Variants in HBS1L observed in about 807,000 individuals in gnomAD.
HBS1L encodes HBS1-like protein.
In HBS1L, 55 loss-of-function variants were observed where a neutral mutation model predicts 88.9. That is an observed-to-expected ratio of 0.62 (90% CI 0.50 to 0.77). The LOEUF is 0.77. Ranked by LOEUF, HBS1L falls within the 30% of genes least tolerant of loss-of-function variation. HBS1L has a pLI of 0.00. For missense variants in HBS1L, 741 were observed against 829.3 expected, an observed-to-expected ratio of 0.89 and a Z score of 1.31; for synonymous variants, 267 against 288.5, an observed-to-expected ratio of 0.93 and a Z score of 0.76.
intron 4 of HBS1L, chr6:135,037,079 C>A (rs1331770092): frequency 6.4e-7 from 1 of 1,551,636 alleles, no homozygotes. Context: ...TCAATTGTTT[C>A]TGCAATCAAT....
At chr6:134,983,591 G>C (rs781031206) in intron 12 of HBS1L, 1 of 152,104 alleles carries the variant, frequency 6.6e-6, no homozygotes, top group African/African-American at 2.4e-5. Flanking sequence ...ATTCCGGGGG[G>C]ACCAATCACA....
chr6:135,051,669 G>A (rs888940818), intron 1 of HBS1L, among the ~76,000 whole-genome samples: 2 of 152,192 alleles, frequency 1.3e-5, no homozygotes, highest in African/African-American at 2.4e-5. Context: ...CACTACATGA[G>A]ACTATCAGCT....
In HBS1L at chr6:135,006,910, GA is replaced by G. The variant is rs997488527; in HGVS notation, c.431-4069del. 7.3e-5 allele frequency among the ~76,000 whole-genome samples: 11 copies of G among 149,908 alleles called. No homozygotes were observed. The South Asian group carries it at 1.3e-3, about 17-fold the overall frequency. On this transcript the variant is annotated intron_variant, in intron 4 of 17. Coordinates refer to ENST00000367837, the MANE Select transcript of HBS1L (RefSeq NM_006620.4). ...ATTCTGGCCTCTGTCAAAAGAAGAGGAAAAAAAAACATAGAGCATGAAAATG... is the reference window on the plus strand; with the variant it reads ...ATTCTGGCCTCTGTCAAAAGAAGAGGAAAAAAAACATAGAGCATGAAAATG...
rs1365916364 is a variant in HBS1L, at chr6:135,040,344, C to CCTTTTTTTTTTTTTT, written c.236-578_236-577insAAAAAAAAAAAAAAG. ...GGAGATTAAGGGGAGGATAGGCATT[C>CCTTTTTTTTTTTTTT]TTTTTTTTTTTTTTTTTTTTTTTTG... is the stretch of plus-strand genomic sequence containing the variant. On this transcript the variant is annotated intron_variant, in intron 3 of 17. Transcript: ENST00000367837. 2.9e-4 allele frequency among the ~76,000 whole-genome samples: 32 copies of CCTTTTTTTTTTTTTT among 110,056 alleles called. 1 individual carries two copies. The highest frequency in any genetic ancestry group is 1.0e-3 in the African/African-American group (29 of 28,068). 72.2% of individuals were successfully genotyped at this position (110,056 alleles called of 152,430 possible).
In HBS1L at chr6:134,962,026, C is replaced by T. The variant is rs550088840; in HGVS notation, c.*3253G>A. ...ATCAGCCCTATTAAGACTCAAGCCC[C>T]AGAGCTTTCTCTTGTGCCTGGAATA... On this transcript the variant is annotated 3_prime_UTR_variant, in exon 18 of 18. Transcript: ENST00000367837. 2.0e-5 allele frequency: 3 copies of T among 152,192 alleles called. No homozygotes were observed. In the South Asian group the frequency reaches 6.2e-4, roughly 32 times the overall value. The allele number at this position is 152,192 out of a possible 1,614,324, so 9.4% of individuals were successfully genotyped here.
chr6:134,989,203 T>A (rs886365514), intron 8 of HBS1L, among the ~76,000 whole-genome samples: 1 of 152,224 alleles, frequency 6.6e-6, no homozygotes, highest in Non-Finnish European at 1.5e-5. Flanking sequence ...AGTTCTTCCT[T>A]TTCATTCTTA....
At chr6:135,035,682 C>T (rs1284888009) in intron 4 of HBS1L, among the ~76,000 whole-genome samples, 2 of 137,742 alleles carry the variant, frequency 1.5e-5, no homozygotes, top group Admixed American at 8.1e-5. Context: ...ACCTGGGAGG[C>T]GGAGCTTGCA....
intron 7 of HBS1L, among the ~76,000 whole-genome samples, chr6:134,994,836 T>C (rs1775247142): frequency 6.6e-6 from 1 of 152,124 alleles, no homozygotes; most frequent in African/African-American, 2.4e-5. Context: ...TCAGTCATTC[T>C]AGGCCTCAGG....
chr6:134,978,770 CA>C lies in HBS1L; in HGVS notation c.1705del (p.Cys569ValfsTer48). 6.2e-7 allele frequency: 1 copy of C among 1,603,220 alleles called. No homozygotes were observed. The highest frequency in any genetic ancestry group is 1.1e-5 in the South Asian group (1 of 89,502). On this transcript the variant is annotated frameshift_variant, in exon 15 of 18. Coordinates refer to ENST00000367837, the MANE Select transcript of HBS1L (RefSeq NM_006620.4). LOFTEE classifies it high-confidence loss of function. ...IIKINVGCIF[C>X]GPKVPIKACT... Reference sequence around the variant, plus strand: ...AGCTTTAATGGGTACTTTGGGGCCACAAAATATGCAGCCAACACTGTAAGAA... The same window carrying C: ...AGCTTTAATGGGTACTTTGGGGCCACAAATATGCAGCCAACACTGTAAGAA...
At chr6:134,987,900 C>T in intron 8 of HBS1L, 109 bp from the exon 9 acceptor site, 1 of 862,664 alleles carries the variant, frequency 1.2e-6, no homozygotes, top group Non-Finnish European at 1.6e-6. Context: ...AAGACCCTAA[C>T]TACCCCCACC....
At chr6:135,046,533 T>G (rs1382703307) in intron 2 of HBS1L, among the ~76,000 whole-genome samples, 1 of 152,144 alleles carries the variant, frequency 6.6e-6, no homozygotes, top group African/African-American at 2.4e-5. Context: ...AGTATCAATC[T>G]TTCTAAAAGA....
rs1186443215 is a variant in HBS1L, at chr6:135,034,168, C to G, written c.430+5405G>C. ...GTTTAAAAAAAAAAAAGACATAATG[C>G]CATCTTAACTTTTCCCATCAAAATA... On this transcript the variant is annotated intron_variant, in intron 4 of 17. Coordinates refer to ENST00000367837, the MANE Select transcript of HBS1L (RefSeq NM_006620.4). Among the ~76,000 whole-genome samples, 3 of 151,260 alleles carry G rather than the reference C, an allele frequency of 2.0e-5. No individual in the cohort carries two copies. The East Asian group carries it at 5.8e-4, about 29-fold the overall frequency.
At chr6:135,049,436 G>C (rs1342953991) in intron 2 of HBS1L, among the ~76,000 whole-genome samples, 1 of 152,114 alleles carries the variant, frequency 6.6e-6, no homozygotes, top group Non-Finnish European at 1.5e-5. Context: ...TCAGACCATG[G>C]CAGAAGGCTC....
rs774135102 is a variant in HBS1L at position 135,054,700 on chromosome 6, A to G, written c.-9T>C. 1 of 1,614,222 alleles carries G rather than the reference A, an allele frequency of 6.2e-7. No homozygotes were observed. The highest frequency in any genetic ancestry group is 8.5e-7 in the Non-Finnish European group (1 of 1,180,040). ...TTCCGATGCCGGGCCATGACGGCGG[A>G]GAGGGCGTTTGCCACAGCCCCTTAA... On this transcript the variant is annotated 5_prime_UTR_variant, in exon 1 of 18. Coordinates refer to ENST00000367837, the MANE Select transcript of HBS1L (RefSeq NM_006620.4).
intron 17 of HBS1L, among the ~76,000 whole-genome samples, chr6:134,965,549 A>G (rs747347953): frequency 1.3e-5 from 2 of 152,228 alleles, no homozygotes; most frequent in Non-Finnish European, 2.9e-5. Context: ...TGTGATATTG[A>G]TGGCAACGAT....
chr6:134,965,130 C>T lies in HBS1L; in HGVS notation c.*149G>A. ...ATTTTTGCAGAGGTGATTATTAATA[C>T]TTCTTTGCAGCTAATTTTAGCTTTA... On this transcript the variant is annotated 3_prime_UTR_variant, in exon 18 of 18. Coordinates refer to ENST00000367837, the MANE Select transcript of HBS1L (RefSeq NM_006620.4). The T allele has an allele frequency of 1.4e-6, 1 of 715,394 alleles. No homozygotes were observed. The highest frequency in any genetic ancestry group is 2.4e-6 in the Non-Finnish European group (1 of 413,594). The allele number at this position is 715,394 out of a possible 1,614,324, so 44.3% of individuals were successfully genotyped here.
At chr6:135,028,867 C>T (rs1369348396) in intron 4 of HBS1L, among the ~76,000 whole-genome samples, 1 of 147,884 alleles carries the variant, frequency 6.8e-6, no homozygotes, top group Non-Finnish European at 1.5e-5. Flanking sequence ...ATAGCTGGAT[C>T]TTCTTCTTTT....
rs186375197 is a variant in HBS1L, at chr6:135,001,798, C to T, written c.539+936G>A. The stretch of plus-strand genomic sequence containing the variant: ...GAATAAAGTCTTGTTTCTATAAAAT[C>T]CAAAAATTGAACTAGGTGATAAACA... On this transcript the variant is annotated intron_variant, in intron 5 of 17. Transcript: ENST00000367837. Among the ~76,000 whole-genome samples the T allele has an allele frequency of 3.7e-3, 557 of 151,754 alleles. 3 individuals carry two copies. The highest frequency in any genetic ancestry group is 6.1e-3 in the Non-Finnish European group (414 of 67,864).
chr6:134,976,326 A>G (rs1367397243), intron 15 of HBS1L, among the ~76,000 whole-genome samples: 1 of 152,186 alleles, frequency 6.6e-6, no homozygotes, highest in Admixed American at 6.5e-5. Flanking sequence ...GGATTGGTAT[A>G]GCCTCTGAGG....
Sources: allele counts gnomAD v4.1 joint callset (sites outside exome capture counted in the v4.1 genomes callset), GRCh38; gene constraint gnomAD v4.1.1; transcripts MANE v1.5; gene names NCBI Gene and HGNC (gene_info 2026-07-23, HGNC 2026-07-21).